RNPEP: variants seen among roughly 807,000 people sequenced by gnomAD.
RNPEP encodes aminopeptidase B.
Under a neutral mutation model 70.1 loss-of-function variants are expected in RNPEP, and 57 were observed. The ratio of observed to expected loss-of-function variants is 0.81; its 90% confidence interval spans 0.66 to 1.01. The LOEUF (loss-of-function observed/expected upper bound fraction) is 1.01. Ranked by LOEUF, RNPEP falls within the 50% of genes least tolerant of loss-of-function variation. The pLI is 0.00. For synonymous variants in RNPEP, 335 were observed against 357.4 expected, an observed-to-expected ratio of 0.94 and a Z score of 0.71; for missense variants, 787 against 852.4, an observed-to-expected ratio of 0.92 and a Z score of 0.96.
rs1007409950 is a variant in RNPEP at position 201,983,307 on chromosome 1, G to C, written c.447+194G>C. On this transcript the variant is annotated intron_variant, in intron 1 of 10. Coordinates refer to ENST00000295640, the MANE Select transcript of RNPEP (RefSeq NM_020216.4). ...TTCCTCTTTTCCTCCCGGGCTGCCT[G>C]GTTTCCTTCTGGACTTCCTCCAGCC... 1.6e-5 allele frequency: 22 copies of C among 1,365,800 alleles called. No individual in the cohort carries two copies. In the East Asian group the frequency reaches 3.2e-4, roughly 20 times the overall value. The allele number at this position is 1,365,800 out of a possible 1,614,324, so 84.6% of individuals were successfully genotyped here. A position where few individuals can be genotyped will look rare whatever the true frequency, so the allele number is the denominator to read the frequency against.
At chr1:201,988,166 G>A (rs928693512) in intron 1 of RNPEP, among the ~76,000 whole-genome samples, 1 of 141,568 alleles carries the variant, frequency 7.1e-6, no homozygotes, top group Non-Finnish European at 1.6e-5. Context: ...AAAGAAAAGA[G>A]AATGTATATT....
chr1:202,003,764 C>T (rs1278444552), intron 9 of RNPEP, among the ~76,000 whole-genome samples: 1 of 152,196 alleles, frequency 6.6e-6, no homozygotes, highest in African/African-American at 2.4e-5. Flanking sequence ...CTGCAGGCGA[C>T]TCTTGTAAGG....
intron 3 of RNPEP, among the ~76,000 whole-genome samples, chr1:201,992,374 T>G (rs1419883832): frequency 6.6e-6 from 1 of 152,160 alleles, no homozygotes; most frequent in African/African-American, 2.4e-5. Context: ...TTCTCCACTC[T>G]GTCAGCCACC....
chr1:202,002,143 A>ATTTC (rs1267239196), intron 8 of RNPEP, among the ~76,000 whole-genome samples: 1 of 145,344 alleles, frequency 6.9e-6, no homozygotes, highest in East Asian at 2.0e-4. Context: ...GGCCCTCCTT[A>ATTTC]TTTCTTTCTT....
intron 2 of RNPEP, 36 bp downstream of exon 2, chr1:201,989,080 G>T: frequency 6.3e-7 from 1 of 1,594,808 alleles, no homozygotes; most frequent in South Asian, 1.1e-5. Context: ...CTGCCCTTGG[G>T]ATGAAGAAAT....
At chr1:201,993,972 G>A (rs966113484) in intron 3 of RNPEP, among the ~76,000 whole-genome samples, 4 of 137,648 alleles carry the variant, frequency 2.9e-5, no homozygotes, top group East Asian at 2.2e-4. Flanking sequence ...TTGCCATGCC[G>A]TTGAAACTAG....
intron 6 of RNPEP, 25 bp downstream of exon 6, chr1:202,000,040 A>C: frequency 6.5e-7 from 1 of 1,538,914 alleles, no homozygotes; most frequent in South Asian, 1.1e-5. Context: ...TCTGTCTGAC[A>C]CCCACTCCCC....
Position 202,001,673 on chromosome 1 carries a change from A to T in RNPEP, c.1332A>T (p.Glu444Asp). 6.2e-7 allele frequency: 1 copy of T among 1,613,356 alleles called. No homozygotes were observed. Reference protein sequence around the residue: ...FDSFLKAYVHEFKFRSILADD... With the variant: ...FDSFLKAYVHDFKFRSILADD... ...CCTCCTCACAGGCCTATGTGCATGA[A>T]TTCAAATTCCGAAGCATCTTAGCCG... Residue 444 changes from glutamate to aspartate, a missense_variant, in exon 8 of 11, where the codon GAA becomes GAT. Physicochemically the swap from Glu to Asp is conservative, Grantham distance 45. Coordinates refer to ENST00000295640, the MANE Select transcript of RNPEP (RefSeq NM_020216.4).
chr1:201,997,007 A>G (rs1268740090), intron 4 of RNPEP, among the ~76,000 whole-genome samples: 1 of 152,112 alleles, frequency 6.6e-6, no homozygotes, highest in African/African-American at 2.4e-5. Flanking sequence ...AGGGAACTCC[A>G]TGTGATGGAG....
At chr1:202,004,523 C>T (rs191148864) in intron 10 of RNPEP, 27 bp downstream of exon 10, 40 of 1,610,026 alleles carry the variant, frequency 2.5e-5, no homozygotes, top group Middle Eastern at 3.4e-4. Flanking sequence ...TCGCTGTTCC[C>T]GAAAGCACAC....
At position 201,998,732 on chromosome 1, in the gene RNPEP, G is replaced by T. The variant is rs1571640168; in HGVS notation, c.1091-1170G>T. ...CCATTGTACAGTTGAAGAAACTGAG[G>T]CTGAGAGAGGCTAAGCCACTTACTC... On this transcript the variant is annotated intron_variant, in intron 5 of 10. Transcript: ENST00000295640. 2.6e-5 allele frequency among the ~76,000 whole-genome samples: 4 copies of T among 152,270 alleles called. No homozygotes were observed. In the South Asian group the frequency reaches 8.3e-4, roughly 32 times the overall value.
intron 3 of RNPEP, among the ~76,000 whole-genome samples, chr1:201,992,300 TGGGATTGCAG>T (rs1683366538): frequency 6.6e-6 from 1 of 152,118 alleles, no homozygotes; most frequent in Non-Finnish European, 1.5e-5. Context: ...CCCAAAGTGT[TGGGATTGCAG>T]GCATGAGCCA....
chr1:202,001,081 T>C, intron 6 of RNPEP: 1 of 367,226 alleles, frequency 2.7e-6, no homozygotes, highest in South Asian at 3.6e-5. Flanking sequence ...TCTGTCTTCA[T>C]ATTAGATCCA....
intron 6 of RNPEP, among the ~76,000 whole-genome samples, chr1:202,000,740 A>T (rs1489196413): frequency 6.6e-6 from 1 of 152,102 alleles, no homozygotes; most frequent in Non-Finnish European, 1.5e-5. Flanking sequence ...CTAAAAATAC[A>T]AAAATTAGCT....
chr1:202,005,430 C>A, intron 10 of RNPEP, 128 bp from the exon 11 acceptor site: 1 of 1,036,790 alleles, frequency 9.6e-7, no homozygotes, highest in Non-Finnish European at 1.4e-6. Context: ...GCTCCTCATT[C>A]CAGCTGTGAT....
At chr1:201,997,879 T>G (rs1016530086) in intron 5 of RNPEP, among the ~76,000 whole-genome samples, 1 of 151,612 alleles carries the variant, frequency 6.6e-6, no homozygotes, top group African/African-American at 2.4e-5. Context: ...TTCTCCTGCC[T>G]CAGCCTCCCG....
intron 1 of RNPEP, among the ~76,000 whole-genome samples, chr1:201,984,563 C>T (rs1271319758): frequency 6.6e-6 from 1 of 152,074 alleles, no homozygotes; most frequent in East Asian, 1.9e-4. Flanking sequence ...CTTTCACAGC[C>T]TGATAACACC....
chr1:201,997,621 T>C (rs1683609876), intron 5 of RNPEP, 67 bp downstream of exon 5: 3 of 1,243,350 alleles, frequency 2.4e-6, no homozygotes, highest in Admixed American at 1.8e-5. Context: ...CAGTGTGATC[T>C]CCTTATGGGG....
In RNPEP at chr1:202,002,656, T is replaced by C. The variant is rs181704275; in HGVS notation, c.1427-581T>C. Among the ~76,000 whole-genome samples the C allele has an allele frequency of 2.1e-3, 316 of 152,320 alleles. 2 individuals carry two copies. Among genetic ancestry groups the C allele is most frequent in the African/African-American group, 7.3e-3 (304 of 41,564 alleles). On this transcript the variant is annotated intron_variant, in intron 8 of 10. Coordinates refer to ENST00000295640, the MANE Select transcript of RNPEP (RefSeq NM_020216.4). ...GACTTTAGCAGCACCTACTGTTCGG[T>C]TGGAGGCTTGCATTTTAATGCGGGG...
Sources: allele counts gnomAD v4.1 joint callset (sites outside exome capture counted in the v4.1 genomes callset), GRCh38; gene constraint gnomAD v4.1.1; transcripts MANE v1.5; gene names NCBI Gene and HGNC (gene_info 2026-07-23, HGNC 2026-07-21).